Variants in RNF144A observed in about 807,000 individuals in gnomAD.
RNF144A encodes the protein ring finger protein 144A, also known as E3 ubiquitin-protein ligase RNF144A.
In RNF144A, 11 loss-of-function variants were observed where a neutral mutation model predicts 38.7. That is an observed-to-expected ratio of 0.28 (90% CI 0.18 to 0.47). The LOEUF (loss-of-function observed/expected upper bound fraction) is 0.47, where lower values mean the gene tolerates loss of function less well. Ranked by LOEUF, RNF144A falls within the 20% of genes least tolerant of loss-of-function variation. The pLI is 0.99. For missense variants in RNF144A, 316 were observed against 377.2 expected, an observed-to-expected ratio of 0.84 and a Z score of 1.34; for synonymous variants, 149 against 143.9, an observed-to-expected ratio of 1.04 and a Z score of -0.25.
At position 6,949,544 on chromosome 2, in the gene RNF144A, C is replaced by T. The variant is rs111713116; in HGVS notation, c.-12+8397C>T. 7.9e-4 allele frequency among the ~76,000 whole-genome samples: 120 copies of T among 152,262 alleles called. 1 individual carries two copies. Among genetic ancestry groups the T allele is most frequent in the African/African-American group, 2.6e-3 (109 of 41,532 alleles). The stretch of plus-strand genomic sequence containing the variant: ...TGTATTAAAAGGATCATGTAATCCA[C>T]AGACTTTGAGAGCTGGCCCTGGAGG... On this transcript the variant is annotated intron_variant, in intron 2 of 8. Coordinates refer to ENST00000320892, the MANE Select transcript of RNF144A (RefSeq NM_014746.6).
downstream of RNF144A, among the ~76,000 whole-genome samples, chr2:7,044,533 C>A (rs1356517159): frequency 6.6e-6 from 1 of 152,196 alleles, no homozygotes; most frequent in Non-Finnish European, 1.5e-5. Flanking sequence ...CGCTCTGCTT[C>A]CATCCGCAAA....
In RNF144A at chr2:7,037,483, A is replaced by G. The variant is rs117084841; in HGVS notation, c.748-2146A>G. ...ACTGCATGTTTTATGCCTTCTGCAT[A>G]TCAGCGTGCACGTGATTTCAGTAAA... On this transcript the variant is annotated intron_variant, in intron 8 of 8. Transcript: ENST00000320892. Among the ~76,000 whole-genome samples the G allele has an allele frequency of 2.6e-5, 4 of 152,370 alleles. No homozygotes were observed. In the East Asian group the frequency reaches 7.7e-4, roughly 29 times the overall value.
chr2:6,953,709 A>T (rs1364418059), intron 2 of RNF144A, among the ~76,000 whole-genome samples: 1 of 152,134 alleles, frequency 6.6e-6, no homozygotes, highest in Non-Finnish European at 1.5e-5. Context: ...TTTTTGAGAA[A>T]ACTGTGAATT....
At chr2:6,970,874 G>A (rs1667963057) in intron 2 of RNF144A, among the ~76,000 whole-genome samples, 1 of 152,214 alleles carries the variant, frequency 6.6e-6, no homozygotes, top group Admixed American at 6.5e-5. Flanking sequence ...CCTGTTTGAA[G>A]TTTTGAATCA....
At chr2:6,929,306 C>T (rs1665068739) in intron 1 of RNF144A, among the ~76,000 whole-genome samples, 1 of 152,272 alleles carries the variant, frequency 6.6e-6, no homozygotes, top group Non-Finnish European at 1.5e-5. Flanking sequence ...CATATTTTAT[C>T]TCTTCCCAGC....
chr2:6,971,566 A>G lies in RNF144A; in HGVS notation c.-11-25350A>G, dbSNP rs189021960. On this transcript the variant is annotated intron_variant, in intron 2 of 8. Transcript: ENST00000320892. ...TTTTTCCTTAACCTTTCACTTTTGC[A>G]GTCTTCAGCTGTGTGGAACTGGCTA... 6.4e-4 allele frequency among the ~76,000 whole-genome samples: 97 copies of G among 152,300 alleles called. 1 individual carries two copies. Among genetic ancestry groups the G allele is most frequent in the Admixed American group, 6.5e-5 (1 of 15,300 alleles).
rs6735041 is a variant in RNF144A, at chr2:6,920,897, T to C, written c.-212+3275T>C. Among the ~76,000 whole-genome samples the C allele has an allele frequency of 7.4e-3, 1,125 of 152,328 alleles. 11 individuals carry two copies. Among genetic ancestry groups the C allele is most frequent in the African/African-American group, 0.025 (1,049 of 41,572 alleles). On this transcript the variant is annotated intron_variant, in intron 1 of 8. Coordinates refer to ENST00000320892, the MANE Select transcript of RNF144A (RefSeq NM_014746.6). ...ATTTCCTGACCCAGCTGTCTGGCCC[T>C]GGGCCAGCGTCTTAACCTCCCTGGA...
intron 1 of RNF144A, chr2:6,918,720 C>G (rs62105591): frequency 7.2e-6 from 1 of 138,430 alleles, no homozygotes; most frequent in Non-Finnish European, 1.5e-5. Context: ...GCGGAGATCG[C>G]GCCACAGCAC....
intron 2 of RNF144A, among the ~76,000 whole-genome samples, chr2:6,991,257 A>G (rs2103381308): frequency 6.6e-6 from 1 of 152,244 alleles, no homozygotes; most frequent in Middle Eastern, 3.4e-3. Context: ...GCTTGGGAGG[A>G]GACAGCGTCC....
chr2:6,986,537 C>T (rs149236268), intron 2 of RNF144A, among the ~76,000 whole-genome samples: 67 of 152,234 alleles, frequency 4.4e-4, no homozygotes, highest in African/African-American at 1.5e-3. Context: ...TGCAGGTGAC[C>T]AAATAGACGA....
chr2:7,017,624 C>T (rs1671225770), intron 5 of RNF144A, among the ~76,000 whole-genome samples: 1 of 152,190 alleles, frequency 6.6e-6, no homozygotes, highest in South Asian at 2.1e-4. Context: ...AAGAGACCTG[C>T]TTCATTAATC....
At chr2:7,011,259 T>C (rs1322014872) in intron 3 of RNF144A, among the ~76,000 whole-genome samples, 1 of 152,238 alleles carries the variant, frequency 6.6e-6, no homozygotes, top group Non-Finnish European at 1.5e-5. Context: ...CATAGTTGCT[T>C]TTTACGGTGA....
intron 2 of RNF144A, among the ~76,000 whole-genome samples, chr2:6,985,108 ATCTTC>A (rs1668864628): frequency 6.6e-6 from 1 of 152,214 alleles, no homozygotes; most frequent in Non-Finnish European, 1.5e-5. Context: ...GGAACAGGAA[ATCTTC>A]TCTATGTATT....
chr2:7,004,578 T>C (rs980293540), intron 3 of RNF144A, among the ~76,000 whole-genome samples: 4 of 152,346 alleles, frequency 2.6e-5, no homozygotes, highest in Middle Eastern at 3.4e-3. Context: ...TTGAAACTTA[T>C]CCTGTACAGG....
chr2:6,998,905 C>T (rs1324347577), intron 3 of RNF144A, among the ~76,000 whole-genome samples: 4 of 138,696 alleles, frequency 2.9e-5, no homozygotes, highest in Admixed American at 7.3e-5. Context: ...GGGGTGGGGG[C>T]GGGGGGCATT....
In RNF144A at chr2:7,043,328, C is replaced by G; in HGVS notation, c.*3568C>G. On this transcript the variant is annotated 3_prime_UTR_variant, in exon 9 of 9. Transcript: ENST00000320892. Reference sequence around the variant, plus strand: ...GAGTTTATTGTTTTCATTTGTATTGCAAAAGTTAGAAGTCATTTTACAAAT... The same window carrying G: ...GAGTTTATTGTTTTCATTTGTATTGGAAAAGTTAGAAGTCATTTTACAAAT... 2.0e-6 allele frequency: 2 copies of G among 984,976 alleles called. No individual in the cohort carries two copies. The highest frequency in any genetic ancestry group is 2.4e-6 in the Non-Finnish European group (2 of 829,680). The allele number at this position is 984,976 out of a possible 1,614,324, so 61.0% of individuals were successfully genotyped here. A position where few individuals can be genotyped will look rare whatever the true frequency, so the allele number is the denominator to read the frequency against.
At chr2:6,956,418 T>C (rs1256909426) in intron 2 of RNF144A, among the ~76,000 whole-genome samples, 1 of 152,194 alleles carries the variant, frequency 6.6e-6, no homozygotes, top group Non-Finnish European at 1.5e-5. Context: ...CCTAATCTCA[T>C]CTGTACACCA....
chr2:6,965,418 C>T (rs1322018263), intron 2 of RNF144A, among the ~76,000 whole-genome samples: 7 of 152,140 alleles, frequency 4.6e-5, no homozygotes, highest in Admixed American at 2.0e-4. Context: ...CTCCCGTGTA[C>T]GGAGAGCAAC....
At chr2:7,016,943 A>G (rs1261220515) in intron 5 of RNF144A, among the ~76,000 whole-genome samples, 2 of 152,186 alleles carry the variant, frequency 1.3e-5, no homozygotes, top group Non-Finnish European at 2.9e-5. Flanking sequence ...TTTAGCGTCA[A>G]TGTCTTCCCC....
Sources: allele counts gnomAD v4.1 joint callset (sites outside exome capture counted in the v4.1 genomes callset), GRCh38; gene constraint gnomAD v4.1.1; transcripts MANE v1.5; gene names NCBI Gene and HGNC (gene_info 2026-07-23, HGNC 2026-07-21).